Variants in GSE1 observed in about 807,000 individuals in gnomAD.
GSE1 encodes the protein Gse1 coiled-coil protein.
Under a neutral mutation model 112.6 loss-of-function variants are expected in GSE1, and 32 were observed. The ratio of observed to expected loss-of-function variants is 0.28; its 90% CI spans 0.21 to 0.38. GSE1 has a LOEUF of 0.38. Among genes scored for constraint, GSE1 ranks in the 10% least tolerant of loss-of-function variants. The probability of loss-of-function intolerance (pLI) is 1.00; values close to 1 mark genes in which losing one functional copy is unlikely to be tolerated. For synonymous variants in GSE1, 1,115 were observed against 735.6 expected (o/e 1.52, Z -8.35); for missense variants, 2,348 against 1,699.2 (o/e 1.38, Z -6.71).
intron 11 of GSE1, 55 bp from the exon 12 acceptor site, chr16:85,664,960 T>C (rs1598684441): frequency 8.4e-7 from 1 of 1,191,954 alleles, no homozygotes; most frequent in Non-Finnish European, 1.3e-6. Context: ...CCGCTGTCCT[T>C]CTCTCCAAAA....
chr16:85,422,459 C>T (rs60809509), intron 2 of GSE1, among the ~76,000 whole-genome samples: 10,757 of 151,688 alleles, frequency 0.071, 625 homozygotes, highest in East Asian at 0.3. Flanking sequence ...GGGGCCCACG[C>T]GGGAGGCAGT....
intron 1 of GSE1, among the ~76,000 whole-genome samples, chr16:85,627,212 C>T (rs192296235): frequency 6.6e-6 from 1 of 151,200 alleles, no homozygotes; most frequent in Non-Finnish European, 1.5e-5. Flanking sequence ...TTTGCTTCCC[C>T]AGACCTTTCC....
exon 1 of GSE1, chr16:85,171,285 C>A: frequency 1.0e-6 from 1 of 985,624 alleles, no homozygotes; most frequent in Non-Finnish European, 1.2e-6. Context: ...CGGCCCAGGG[C>A]GGCCCCGTGT....
chr16:85,605,083 T>C (rs571708630), intron 1 of GSE1, among the ~76,000 whole-genome samples: 4 of 151,030 alleles, frequency 2.6e-5, no homozygotes, highest in South Asian at 4.2e-4. Context: ...TCCCAAAGTG[T>C]TGGGATTACA....
At chr16:85,213,407 C>T (rs1404820167) in intron 1 of GSE1, among the ~76,000 whole-genome samples, 1 of 152,108 alleles carries the variant, frequency 6.6e-6, no homozygotes, top group East Asian at 1.9e-4. Flanking sequence ...GAGCTATCAT[C>T]GTGCCACTGC....
At position 85,672,571 on chromosome 16, in the gene GSE1, T is replaced by G. The variant is rs2053440349; in HGVS notation, c.*32T>G. ...CCCTTGCACTAGGCCGAACCTATAG[T>G]ATAGAAATATTATCTATTTTATTAC... On this transcript the variant is annotated 3_prime_UTR_variant, in exon 16 of 16. Coordinates refer to ENST00000253458, the MANE Select transcript of GSE1 (RefSeq NM_014615.5). The G allele has an allele frequency of 6.8e-7, 1 of 1,462,188 alleles. No homozygotes were observed. Among genetic ancestry groups the G allele is most frequent in the African/African-American group, 1.4e-5 (1 of 70,564 alleles). 90.6% of individuals were successfully genotyped at this position (1,462,188 alleles called of 1,614,324 possible). A position where few individuals can be genotyped will look rare whatever the true frequency, so the allele number is the denominator to read the frequency against.
intron 1 of GSE1, among the ~76,000 whole-genome samples, chr16:85,268,378 C>G (rs376554365): frequency 6.6e-6 from 1 of 152,162 alleles, no homozygotes; most frequent in Non-Finnish European, 1.5e-5. Flanking sequence ...GTGACCGCGC[C>G]GAGCCCCCCA....
At chr16:85,614,044 C>T (rs1484761952) in intron 1 of GSE1, among the ~76,000 whole-genome samples, 2 of 151,488 alleles carry the variant, frequency 1.3e-5, no homozygotes, top group South Asian at 2.1e-4. Flanking sequence ...CCGCTTCTCT[C>T]CTCTCTCTCC....
chr16:85,525,862 A>G (rs936746067), intron 2 of GSE1, among the ~76,000 whole-genome samples: 2 of 152,172 alleles, frequency 1.3e-5, no homozygotes, highest in African/African-American at 4.8e-5. Context: ...TAGAGGGAGC[A>G]CTGGCTGCCT....
At chr16:85,539,031 A>G (rs1567570906) in intron 2 of GSE1, among the ~76,000 whole-genome samples, 14 of 152,168 alleles carry the variant, frequency 9.2e-5, no homozygotes. Context: ...GTGCCCCTGC[A>G]CAGTGCCAGC....
intron 2 of GSE1, among the ~76,000 whole-genome samples, chr16:85,488,513 C>T (rs1050302954): frequency 5.3e-5 from 8 of 151,946 alleles, no homozygotes; most frequent in African/African-American, 1.9e-4. Context: ...GTCCAAGCTC[C>T]CTGTTCCTGC....
rs935100962 is a variant in GSE1 at position 85,674,969 on chromosome 16, A to T, written c.*2430A>T. Reference sequence around the variant, plus strand: ...ACAAACCAGTAAGGCAACACGAATAAACTAAGAAAAAGGTAAGAACTGTCT... The same window carrying T: ...ACAAACCAGTAAGGCAACACGAATATACTAAGAAAAAGGTAAGAACTGTCT... On this transcript the variant is annotated 3_prime_UTR_variant, in exon 16 of 16. Transcript: ENST00000253458. 6.6e-6 allele frequency: 1 copy of T among 152,636 alleles called. No individual in the cohort carries two copies. The highest frequency in any genetic ancestry group is 1.5e-5 in the Non-Finnish European group (1 of 68,044). The allele number at this position is 152,636 out of a possible 1,614,324, so 9.5% of individuals were successfully genotyped here. A position where few individuals can be genotyped will look rare whatever the true frequency, so the allele number is the denominator to read the frequency against.
Position 85,656,368 on chromosome 16 carries a change from CGGGAGA to C in GSE1, c.1021_1026del (p.Arg351_Glu352del), listed in dbSNP as rs2051935064. The C allele has an allele frequency of 6.2e-7, 1 of 1,604,768 alleles. No homozygotes were observed. Among genetic ancestry groups the C allele is most frequent in the African/African-American group, 1.4e-5 (1 of 73,346 alleles). ...GCTGCAGATGGACGAGGAGCTAAGG[CGGGAGA>C]GGGAGCGCGAGCGCGAGCGCGAGCG... is the stretch of plus-strand genomic sequence containing the variant. On this transcript the variant is annotated inframe_deletion, in exon 7 of 16. Transcript: ENST00000253458.
intron 2 of GSE1, among the ~76,000 whole-genome samples, chr16:85,376,231 G>C (rs79484919): frequency 3.4e-4 from 52 of 152,344 alleles, no homozygotes; most frequent in African/African-American, 1.1e-3. Flanking sequence ...AGAGGCCCAG[G>C]AACCAGACCC....
At chr16:85,651,393 C>T (rs1291214055) in intron 3 of GSE1, among the ~76,000 whole-genome samples, 1 of 152,088 alleles carries the variant, frequency 6.6e-6, no homozygotes, top group Non-Finnish European at 1.5e-5. Flanking sequence ...CCCTGCCCCG[C>T]CTGCTGGCTG....
At position 85,267,979 on chromosome 16, in the gene GSE1, G is replaced by C. The variant is rs534853742; in HGVS notation, c.2284-89484G>C. ...ATAGCAGTGCCCACTTCAGAGGGTT[G>C]TGGCCAGGATTAACTTAGTGATACT... On this transcript the variant is annotated intron_variant, in intron 1 of 2. Transcript: ENST00000637419. Among the ~76,000 whole-genome samples, 4 of 152,334 alleles carry C rather than the reference G, an allele frequency of 2.6e-5. No homozygotes were observed. The East Asian group carries it at 7.7e-4, about 29-fold the overall frequency.
At chr16:85,334,181 C>G (rs1004475544) in intron 1 of GSE1, among the ~76,000 whole-genome samples, 3 of 152,238 alleles carry the variant, frequency 2.0e-5, no homozygotes, top group Admixed American at 2.0e-4. Flanking sequence ...CACTCCTCTA[C>G]TCTATGATCG....
At chr16:85,534,402 C>T (rs1420971645) in intron 2 of GSE1, among the ~76,000 whole-genome samples, 2 of 152,100 alleles carry the variant, frequency 1.3e-5, no homozygotes, top group Non-Finnish European at 2.9e-5. Flanking sequence ...GATTACAGGA[C>T]TGAGCCACCA....
chr16:85,665,010 CAT>C lies in GSE1; in HGVS notation c.2645-3_2645-2del. 1 of 1,577,442 alleles carries C rather than the reference CAT, an allele frequency of 6.3e-7. No homozygotes were observed. The highest frequency in any genetic ancestry group is 1.3e-5 in the African/African-American group (1 of 74,298). ...CTCGTTAATCTCAGGCTGCTTTTCT[CAT>C]AGACAAAGAGAGACTTGTTGAAATG... On this transcript the variant is annotated splice_polypyrimidine_tract_variant and splice_region_variant and intron_variant, in intron 11 of 15. Transcript: ENST00000253458.
Sources: gnomAD v4.1 joint callset for allele counts (sites outside exome capture counted in the v4.1 genomes callset) on GRCh38, gnomAD v4.1.1 for gene constraint, MANE v1.5 for transcripts, NCBI Gene and HGNC (gene_info 2026-07-23, HGNC 2026-07-21) for gene names.